The following ARHGEF3 variants were observed in gnomAD, a reference collection of about 807,000 sequenced individuals.
ARHGEF3 encodes the protein 59.8 kDA protein.
ARHGEF3 carries 28 observed loss-of-function variants against 63.2 expected under a neutral mutation model. The ratio of observed to expected loss-of-function variants is 0.44; its 90% CI spans 0.33 to 0.61. The LOEUF (loss-of-function observed/expected upper bound fraction) is 0.61, where lower values mean the gene tolerates loss of function less well. Among genes scored for constraint, ARHGEF3 ranks in the 20% least tolerant of loss-of-function variants. The pLI, the probability that ARHGEF3 is intolerant of heterozygous loss-of-function variation, is 0.03. For synonymous variants in ARHGEF3, 266 were observed against 254.2 expected (o/e 1.05, Z -0.44); for missense variants, 533 against 659.3 (o/e 0.81, Z 2.10).
At chr3:56,783,553 T>G (rs1449262704) in intron 1 of ARHGEF3, among the ~76,000 whole-genome samples, 2 of 152,206 alleles carry the variant, frequency 1.3e-5, no homozygotes, top group Non-Finnish European at 2.9e-5. Context: ...CCTACTTGCC[T>G]GCCATGGGGA....
chr3:56,829,207 T>G (rs1268802240), intron 4 of ARHGEF3, among the ~76,000 whole-genome samples: 5 of 152,166 alleles, frequency 3.3e-5, no homozygotes. Context: ...ATTACAGGCA[T>G]GAGCCACCAC....
At chr3:56,860,058 A>C (rs1043085982) in intron 4 of ARHGEF3, among the ~76,000 whole-genome samples, 2 of 152,034 alleles carry the variant, frequency 1.3e-5, no homozygotes, top group African/African-American at 2.4e-5. Flanking sequence ...ATAGATAGAT[A>C]GATAGATAGA....
intron 7 of ARHGEF3, among the ~76,000 whole-genome samples, chr3:56,739,327 A>G (rs1470810612): frequency 6.6e-6 from 1 of 152,124 alleles, no homozygotes; most frequent in African/African-American, 2.4e-5. Context: ...GCGCAGTCAG[A>G]AGTTATCATG....
intron 1 of ARHGEF3, among the ~76,000 whole-genome samples, chr3:57,055,163 C>CTTTTTTTT (rs71623876): frequency 7.4e-6 from 1 of 135,306 alleles, no homozygotes; most frequent in Non-Finnish European, 1.6e-5. Flanking sequence ...TCTCTTTATG[C>CTTTTTTTT]TTTTTTTTTT....
chr3:56,741,026 CAG>C (rs1430970317), intron 7 of ARHGEF3, among the ~76,000 whole-genome samples: 1 of 152,140 alleles, frequency 6.6e-6, no homozygotes, highest in African/African-American at 2.4e-5. Flanking sequence ...GTTTGAAAAA[CAG>C]AGACAAAACA....
chr3:57,050,860 C>T (rs1050492633), intron 1 of ARHGEF3, among the ~76,000 whole-genome samples: 79 of 152,328 alleles, frequency 5.2e-4, no homozygotes, highest in African/African-American at 1.9e-3. Flanking sequence ...ATCTGCATGT[C>T]TGTGAACCCA....
chr3:57,024,418 T>C (rs1192882783), intron 2 of ARHGEF3, among the ~76,000 whole-genome samples: 1 of 152,016 alleles, frequency 6.6e-6, no homozygotes, highest in Non-Finnish European at 1.5e-5. Context: ...AAATCAGAGC[T>C]ATACCTGTAT....
chr3:57,061,169 T>C (rs1705203960), intron 1 of ARHGEF3, among the ~76,000 whole-genome samples: 1 of 152,180 alleles, frequency 6.6e-6, no homozygotes, highest in African/African-American at 2.4e-5. Flanking sequence ...ACTGTATTAA[T>C]ACTTCTCTCT....
Position 57,071,675 on chromosome 3 carries a change from A to T in ARHGEF3, c.-28+7551T>A, listed in dbSNP as rs886452168. Among the ~76,000 whole-genome samples, 37 of 152,078 alleles carry T rather than the reference A, an allele frequency of 2.4e-4. 1 individual carries two copies. The highest frequency in any genetic ancestry group is 4.6e-4 in the African/African-American group (19 of 41,494). ...ACTCCATCTCAAAAAAAAAAAAAAA[A>T]ATATGCCTTAGGCATAAGTTTTCAT... On this transcript the variant is annotated intron_variant, in intron 1 of 12. Coordinates refer to the ARHGEF3 transcript ENST00000338458.
chr3:57,029,329 C>A (rs1297859099), intron 2 of ARHGEF3, among the ~76,000 whole-genome samples: 1 of 151,984 alleles, frequency 6.6e-6, no homozygotes, highest in Non-Finnish European at 1.5e-5. Flanking sequence ...ACTCAGTAGG[C>A]TGAGGCAGGA....
At chr3:56,949,371 C>G (rs1251589032) in intron 3 of ARHGEF3, among the ~76,000 whole-genome samples, 2 of 151,852 alleles carry the variant, frequency 1.3e-5, no homozygotes, top group Admixed American at 6.6e-5. Flanking sequence ...GATTGTATAT[C>G]TAGAAAACCC....
chr3:56,777,690 T>C (rs1481000794), intron 1 of ARHGEF3, among the ~76,000 whole-genome samples: 1 of 152,184 alleles, frequency 6.6e-6, no homozygotes, highest in Non-Finnish European at 1.5e-5. Context: ...CACTTCCTTT[T>C]TGCAGCCAGA....
rs9834350 is a variant in ARHGEF3, at chr3:57,034,945, G to A, written c.62+143C>T. On this transcript the variant is annotated intron_variant, in intron 2 of 12. Coordinates refer to the ARHGEF3 transcript ENST00000338458. ...CAAAGTGCTGGGGTTACAGGCATGA[G>A]ACACCATGCCTAGCACTATCTCCAA... The A allele has an allele frequency of 3.1e-3, 2,019 of 646,396 alleles. 40 individuals carry two copies. The African/African-American group carries it at 0.032, about 10-fold the overall frequency. 40.0% of individuals were successfully genotyped at this position (646,396 alleles called of 1,614,324 possible).
intron 2 of ARHGEF3, among the ~76,000 whole-genome samples, chr3:56,967,216 T>G (rs1388281739): frequency 2.9e-5 from 4 of 139,422 alleles, no homozygotes; most frequent in Non-Finnish European, 6.0e-5. Flanking sequence ...GAACCACATA[T>G]GTAATTTAAG....
intron 4 of ARHGEF3, among the ~76,000 whole-genome samples, chr3:56,862,963 C>T (rs1384002006): frequency 1.3e-5 from 2 of 152,076 alleles, no homozygotes; most frequent in African/African-American, 4.8e-5. Flanking sequence ...TTTAAAAAGG[C>T]AACCTAATTA....
chr3:56,968,088 T>C (rs1188212281), intron 2 of ARHGEF3, among the ~76,000 whole-genome samples: 4 of 56,448 alleles, frequency 7.1e-5, no homozygotes, highest in Non-Finnish European at 1.2e-4. Flanking sequence ...ATATATTTAT[T>C]ATACATAAAA....
chr3:56,955,283 A>C (rs927562438), intron 3 of ARHGEF3, among the ~76,000 whole-genome samples: 1 of 151,196 alleles, frequency 6.6e-6, no homozygotes, highest in Admixed American at 6.6e-5. Context: ...GCAGGCTTAA[A>C]CTCCTGGGCT....
intron 1 of ARHGEF3, among the ~76,000 whole-genome samples, chr3:57,057,853 G>A (rs1442936124): frequency 6.6e-6 from 1 of 152,144 alleles, no homozygotes; most frequent in Admixed American, 6.5e-5. Context: ...GACAAACTGG[G>A]GGGCTTAATT....
intron 2 of ARHGEF3, among the ~76,000 whole-genome samples, chr3:56,978,779 A>G (rs1255079014): frequency 1.3e-5 from 2 of 152,226 alleles, no homozygotes; most frequent in Non-Finnish European, 2.9e-5. Context: ...GGGCCTAGCA[A>G]TAAGGGTACA....
Sources: gnomAD v4.1 joint callset for allele counts (sites outside exome capture counted in the v4.1 genomes callset) on GRCh38, gnomAD v4.1.1 for gene constraint, MANE v1.5 for transcripts, NCBI Gene and HGNC (gene_info 2026-07-23, HGNC 2026-07-21) for gene names.